The following TIAM1 variants were observed in gnomAD, a reference collection of about 807,000 sequenced individuals.
TIAM1 encodes rho guanine nucleotide exchange factor TIAM1.
TIAM1 carries 65 observed loss-of-function variants against 163.5 expected under a neutral mutation model. The ratio of observed to expected loss-of-function variants is 0.40; its 90% CI spans 0.33 to 0.49. The LOEUF is 0.49. Ranked by LOEUF, TIAM1 falls within the 20% of genes least tolerant of loss-of-function variation. TIAM1 has a pLI of 0.77. For missense variants in TIAM1, 1,789 were observed against 2,044.7 expected (o/e 0.87, Z 2.41); for synonymous variants, 833 against 810.1 (o/e 1.03, Z -0.48).
In TIAM1 at chr21:31,182,518, C is replaced by T. The variant is rs577103258; in HGVS notation, c.2790G>A (p.Leu930=). 4 of 1,613,744 alleles carry T rather than the reference C, an allele frequency of 2.5e-6. No individual in the cohort carries two copies. In the Admixed American group the frequency reaches 6.7e-5, roughly 27 times the overall value. Residue 930 remains leucine, a synonymous_variant, in exon 15 of 28, where the codon CTG becomes CTA. Coordinates refer to ENST00000541036, the MANE Select transcript of TIAM1 (RefSeq NM_001353694.2). ...LGLLVRTYPE[L]EEGVELLESP... ...TTTCCAGCAGCTCCACTCCTTCCTC[C>T]AGCTCGGGGTAGGTCCTCACCAGGA...
intron 27 of TIAM1, 86 bp downstream of exon 27, chr21:31,124,436 C>T: frequency 6.4e-7 from 1 of 1,562,420 alleles, no homozygotes; most frequent in South Asian, 1.2e-5. Context: ...CACCTCACCC[C>T]CACTCAACAA....
chr21:31,492,603 T>A (rs1471552256), intron 1 of TIAM1, among the ~76,000 whole-genome samples: 2 of 152,074 alleles, frequency 1.3e-5, no homozygotes, highest in African/African-American at 4.8e-5. Context: ...CCAATGTACA[T>A]CTTACACATA....
chr21:31,231,761 G>A (rs779697529), intron 6 of TIAM1, among the ~76,000 whole-genome samples: 14 of 151,990 alleles, frequency 9.2e-5, no homozygotes, highest in Non-Finnish European at 1.2e-4. Flanking sequence ...CATGCCTGTA[G>A]TCCCAGCACT....
At chr21:31,285,395 G>A (rs1012270580) in intron 2 of TIAM1, among the ~76,000 whole-genome samples, 5 of 152,158 alleles carry the variant, frequency 3.3e-5, no homozygotes, top group Non-Finnish European at 5.9e-5. Flanking sequence ...GAAAGGTCAC[G>A]GGGATGGGGT....
At chr21:31,409,788 G>T (rs1273525714) in intron 2 of TIAM1, among the ~76,000 whole-genome samples, 1 of 152,236 alleles carries the variant, frequency 6.6e-6, no homozygotes, top group East Asian at 1.9e-4. Context: ...TCCCTGGTGG[G>T]GGGCAGGGGA....
intron 2 of TIAM1, among the ~76,000 whole-genome samples, chr21:31,288,618 C>CAG (rs2073903484): frequency 6.6e-6 from 1 of 152,136 alleles, no homozygotes; most frequent in Non-Finnish European, 1.5e-5. Context: ...TACCAACATT[C>CAG]AGAGCATAGC....
intron 4 of TIAM1, among the ~76,000 whole-genome samples, chr21:31,255,648 C>T (rs1239386076): frequency 6.6e-6 from 1 of 152,160 alleles, no homozygotes; most frequent in Non-Finnish European, 1.5e-5. Context: ...GTTTTTGTAG[C>T]AACTGCAAGG....
At chr21:31,265,895 C>A in intron 4 of TIAM1, 115 bp downstream of exon 4, 1 of 1,411,706 alleles carries the variant, frequency 7.1e-7, no homozygotes, top group Non-Finnish European at 9.5e-7. Flanking sequence ...CAGCAACTAC[C>A]AGGCAAACAG....
chr21:31,148,961 T>C (rs1379198885), intron 19 of TIAM1, among the ~76,000 whole-genome samples: 2 of 150,678 alleles, frequency 1.3e-5, no homozygotes, highest in Admixed American at 6.6e-5. Context: ...TTTTTCTTTT[T>C]CTTTTTTTTT....
chr21:31,183,529 C>T (rs552440096), intron 14 of TIAM1, among the ~76,000 whole-genome samples: 6 of 152,086 alleles, frequency 3.9e-5, no homozygotes, highest in African/African-American at 7.2e-5. Context: ...AGGGAGTGAG[C>T]GAAGGGCAGG....
At position 31,120,646 on chromosome 21, in the gene TIAM1, T is replaced by C; in HGVS notation, c.4498A>G (p.Lys1500Glu). ...TCGTCACTGAGGATGTCTGTCTCCT[T>C]GATGTCATCTTGCTCCTCATACTGA... ...LAQYEEQDDIKETDILSDDDE... is the reference protein window; with the variant it reads ...LAQYEEQDDIEETDILSDDDE... Residue 1500 changes from lysine (K) to glutamate (E), a missense_variant, in exon 28 of 28, where the codon AAG becomes GAG. Physicochemically the swap from Lys to Glu is moderately conservative, Grantham distance 56 (BLOSUM62 1). Around this residue, in one of 5 missense-constraint regions of TIAM1, gnomAD observed 415 missense variants for 439.2 expected, o/e 0.94. Coordinates refer to ENST00000541036, the MANE Select transcript of TIAM1 (RefSeq NM_001353694.2). The surrounding 1 kb of genome is among the most constrained non-coding windows in gnomAD (Gnocchi z 4.2). 1.2e-6 allele frequency: 2 copies of C among 1,614,140 alleles called. No individual in the cohort carries two copies. Among genetic ancestry groups the C allele is most frequent in the Non-Finnish European group, 1.7e-6 (2 of 1,180,026 alleles).
chr21:31,218,597 C>T (rs763525493), intron 8 of TIAM1, among the ~76,000 whole-genome samples: 2 of 151,712 alleles, frequency 1.3e-5, no homozygotes, highest in Admixed American at 6.6e-5. Context: ...TGGGGAATCT[C>T]ATATGTAAGT....
chr21:31,378,275 T>A (rs2076723016), intron 2 of TIAM1, among the ~76,000 whole-genome samples: 1 of 151,916 alleles, frequency 6.6e-6, no homozygotes, highest in African/African-American at 2.4e-5. Flanking sequence ...CCTAGATAGG[T>A]AACATTACTG....
At chr21:31,476,467 G>C (rs906920335) in intron 1 of TIAM1, among the ~76,000 whole-genome samples, 1 of 152,220 alleles carries the variant, frequency 6.6e-6, no homozygotes, top group African/African-American at 2.4e-5. Flanking sequence ...TGGGTTGAGC[G>C]AGGGAGCTGT....
chr21:31,181,419 C>T (rs1405280292), intron 15 of TIAM1, among the ~76,000 whole-genome samples: 2 of 150,762 alleles, frequency 1.3e-5, no homozygotes, highest in African/African-American at 4.9e-5. Flanking sequence ...TATGGGGTCC[C>T]AGGAAGACTT....
chr21:31,232,653 T>G (rs1478749480), intron 6 of TIAM1, among the ~76,000 whole-genome samples: 1 of 152,180 alleles, frequency 6.6e-6, no homozygotes, highest in East Asian at 1.9e-4. Context: ...AATTCTGACA[T>G]GCTAGAAAAA....
intron 1 of TIAM1, among the ~76,000 whole-genome samples, chr21:31,544,417 G>A (rs2048420918): frequency 1.7e-5 from 1 of 57,902 alleles, no homozygotes; most frequent in Non-Finnish European, 4.9e-5. Context: ...TCGAAATGAC[G>A]AAGGAGTTCA....
intron 1 of TIAM1, among the ~76,000 whole-genome samples, chr21:31,489,006 G>GA (rs35813534): frequency 0.38 from 56,214 of 148,386 alleles, 10,803 homozygotes; most frequent in African/African-American, 0.44. Context: ...GCTACAATCA[G>GA]AAAAAAAAAA....
At chr21:31,453,016 C>T (rs2044929236) in intron 2 of TIAM1, 1 of 473,076 alleles carries the variant, frequency 2.1e-6, no homozygotes, top group Non-Finnish European at 4.2e-6. Flanking sequence ...GTGGGAGATA[C>T]ACTGGATCTT....
Sources: gnomAD v4.1 joint callset for allele counts (sites outside exome capture counted in the v4.1 genomes callset) on GRCh38, gnomAD v4.1.1 for gene constraint, gnomAD v4.1.1 regional missense constraint, Gnocchi (gnomAD v3.1) non-coding constraint, MANE v1.5 for transcripts, NCBI Gene and HGNC (gene_info 2026-07-23, HGNC 2026-07-21) for gene names.